Variants in COL4A5 observed in about 807,000 individuals in gnomAD.
The protein encoded by COL4A5 is collagen type IV alpha 5 chain.
A neutral mutation model predicts 130.2 loss-of-function variants in COL4A5; 26 were observed. That is an observed-to-expected ratio of 0.20 (90% CI 0.15 to 0.28). The LOEUF (loss-of-function observed/expected upper bound fraction) is 0.28, where lower values mean the gene tolerates loss of function less well. COL4A5 is among the 10% of genes least tolerant of loss of function. The pLI is 1.00. For missense variants in COL4A5, 1,131 were observed against 1,344.3 expected, an observed-to-expected ratio of 0.84 and a Z score of 2.48; for synonymous variants, 496 against 439.6, an observed-to-expected ratio of 1.13 and a Z score of -1.60.
At chrX:108,583,243 A>G (rs1453447982) in intron 17 of COL4A5, among the ~76,000 whole-genome samples, 1 of 111,977 alleles carries the variant, frequency 8.9e-6, no homozygotes, top group Non-Finnish European at 1.9e-5. Flanking sequence ...TTTTTTCCAC[A>G]AAGAGAATTC....
At chrX:108,447,805 T>C (rs2064469965) in intron 1 of COL4A5, among the ~76,000 whole-genome samples, 1 of 111,968 alleles carries the variant, frequency 8.9e-6, no homozygotes. Flanking sequence ...TGATAGCAGC[T>C]ACGGAACAGA....
chrX:108,451,424 T>A (rs1157527172), intron 1 of COL4A5, among the ~76,000 whole-genome samples: 2 of 112,092 alleles, frequency 1.8e-5, no homozygotes, highest in Non-Finnish European at 3.8e-5. Context: ...CGCCACACTG[T>A]CTTCTACAAT....
chrX:108,471,716 G>C (rs1009485541), intron 1 of COL4A5, among the ~76,000 whole-genome samples: 1 of 111,863 alleles, frequency 8.9e-6, no homozygotes, highest in Non-Finnish European at 1.9e-5. Context: ...TCTTGCTCTG[G>C]TTCTTAAGTA....
intron 1 of COL4A5, among the ~76,000 whole-genome samples, chrX:108,521,290 T>A (rs2065262709): frequency 9.0e-6 from 1 of 111,134 alleles, no homozygotes; most frequent in Non-Finnish European, 1.9e-5. Context: ...AAATTTTCCG[T>A]GGATCTTTCA....
intron 1 of COL4A5, among the ~76,000 whole-genome samples, chrX:108,451,378 T>C (rs1335981653): frequency 9.0e-6 from 1 of 111,640 alleles, no homozygotes; most frequent in Non-Finnish European, 1.9e-5. Flanking sequence ...GATGGCTGAG[T>C]CAAATGGTAT....
intron 50 of COL4A5, 148 bp from the exon 51 acceptor site, chrX:108,694,659 A>G (rs2068699524): frequency 2.0e-6 from 1 of 509,895 alleles, no homozygotes; most frequent in South Asian, 2.6e-5. Context: ...AGCAAATGCA[A>G]TCCTCAAAGT....
chrX:108,634,102 G>A (rs1196535410), intron 36 of COL4A5, among the ~76,000 whole-genome samples: 1 of 110,280 alleles, frequency 9.1e-6, no homozygotes. Context: ...TGCACTGACA[G>A]CAAAGCATTT....
chrX:108,607,820 G>C (rs911938721), intron 29 of COL4A5, among the ~76,000 whole-genome samples: 3 of 111,495 alleles, frequency 2.7e-5, no homozygotes, highest in African/African-American at 9.8e-5. Flanking sequence ...TCTTAAAGGA[G>C]AAGGTATTTT....
At chrX:108,639,218 T>C (rs1416026438) in intron 36 of COL4A5, among the ~76,000 whole-genome samples, 1 of 110,830 alleles carries the variant, frequency 9.0e-6, no homozygotes, top group African/African-American at 3.3e-5. Context: ...ACCAATGTAA[T>C]AGATAGACCA....
chrX:108,594,925 C>T (rs2066489741), intron 21 of COL4A5, among the ~76,000 whole-genome samples: 1 of 110,569 alleles, frequency 9.0e-6, no homozygotes, highest in African/African-American at 3.3e-5. Context: ...GTGGTGCAAT[C>T]ACAGCTCACT....
chrX:108,552,929 A>G (rs1306751521), intron 2 of COL4A5, among the ~76,000 whole-genome samples: 1 of 112,366 alleles, frequency 8.9e-6, no homozygotes, highest in Admixed American at 9.5e-5. Context: ...AGACATATAG[A>G]TGAATGGGAC....
chrX:108,687,031 C>A (rs959314494), intron 48 of COL4A5, among the ~76,000 whole-genome samples: 1 of 112,181 alleles, frequency 8.9e-6, no homozygotes, highest in African/African-American at 3.2e-5. Context: ...AACCAAGAGG[C>A]TAAATCAGGA....
At chrX:108,598,638 C>T (rs1220703469) in intron 24 of COL4A5, 64 bp from the exon 25 acceptor site, 1 of 1,033,291 alleles carries the variant, frequency 9.7e-7, no homozygotes, top group African/African-American at 1.9e-5. Context: ...CAGTTGTATT[C>T]AGTACCAACC....
chrX:108,650,411 T>G (rs1228035069), intron 36 of COL4A5, among the ~76,000 whole-genome samples: 1 of 111,063 alleles, frequency 9.0e-6, no homozygotes, highest in East Asian at 2.8e-4. Flanking sequence ...GATCCAGCAA[T>G]CCCACTACTG....
rs2068741688 is a variant in COL4A5, at chrX:108,696,703, TAAGAG to T, written c.*331_*335del. 6.6e-6 allele frequency: 1 copy of T among 151,272 alleles called. No homozygotes were observed. The highest frequency in any genetic ancestry group is 3.1e-5 in the African/African-American group (1 of 31,873). 12.5% of individuals were successfully genotyped at this position (151,272 alleles called of 1,213,427 possible). ...TAAAATGGTACATTAAAAATTCAAT[TAAGAG>T]AAGAGTCACATTGAGTAAAATAAAA... On this transcript the variant is annotated 3_prime_UTR_variant, in exon 53 of 53. Coordinates refer to ENST00000328300, the MANE Select transcript of COL4A5 (RefSeq NM_033380.3).
chrX:108,473,613 G>GTGTATATATATATA (rs1556359434), intron 1 of COL4A5, among the ~76,000 whole-genome samples: 24 of 46,086 alleles, frequency 5.2e-4, no homozygotes, highest in Non-Finnish European at 7.1e-4. Context: ...ATATATATAT[G>GTGTATATATATATA]TATATATATA....
At position 108,571,845 on chromosome X, in the gene COL4A5, T is replaced by G. The variant is rs2066070331; in HGVS notation, c.465+8T>G. 9 of 1,178,399 alleles carry G rather than the reference T, an allele frequency of 7.6e-6. No homozygotes were observed. In the East Asian group the frequency reaches 2.7e-4, roughly 35 times the overall value. Reference sequence around the variant, plus strand: ...GGGATCCCAGGTATGAAGGTAAGCATCTCATTCTGGGGAACAAATGTTTTG... The same window carrying G: ...GGGATCCCAGGTATGAAGGTAAGCAGCTCATTCTGGGGAACAAATGTTTTG... On this transcript the variant is annotated splice_region_variant and intron_variant, in intron 8 of 52. Transcript: ENST00000328300.
chrX:108,441,594 A>G (rs1016326360), intron 1 of COL4A5, among the ~76,000 whole-genome samples: 11 of 112,719 alleles, frequency 9.8e-5, no homozygotes, highest in African/African-American at 3.5e-4. Context: ...CCATCAAAGT[A>G]GACAAATGAT....
chrX:108,479,741 G>T (rs187512451), intron 1 of COL4A5, among the ~76,000 whole-genome samples: 1 of 111,795 alleles, frequency 8.9e-6, no homozygotes, highest in Non-Finnish European at 1.9e-5. Flanking sequence ...ATGGATTGCT[G>T]CTGTGCATGA....
Sources: allele counts gnomAD v4.1 joint callset (sites outside exome capture counted in the v4.1 genomes callset), GRCh38; gene constraint gnomAD v4.1.1; transcripts MANE v1.5; gene names NCBI Gene and HGNC (gene_info 2026-07-23, HGNC 2026-07-21).